The following EED variants were observed in gnomAD, a reference collection of about 807,000 sequenced individuals.
The protein encoded by EED is embryonic ectoderm development, also known as polycomb protein EED.
A neutral mutation model predicts 61.0 loss-of-function variants in EED; 9 were observed. The ratio of observed to expected loss-of-function variants is 0.15; its 90% CI spans 0.09 to 0.26. The LOEUF is 0.26. EED is among the 10% of genes least tolerant of loss of function. The pLI is 1.00. For missense variants in EED, 315 were observed against 542.3 expected (o/e 0.58, Z 4.16); for synonymous variants, 187 against 174.4 (o/e 1.07, Z -0.57).
intron 4 of EED, 75 bp from the exon 5 acceptor site, chr11:86,256,312 T>C: frequency 2.2e-6 from 3 of 1,368,092 alleles, no homozygotes; most frequent in South Asian, 1.9e-5. Context: ...AGCAGTTCTT[T>C]ATAAGTTTCT....
At chr11:86,282,383 C>T (rs1436236442), downstream of EED, among the ~76,000 whole-genome samples, 1 of 152,042 alleles carries the variant, frequency 6.6e-6, no homozygotes, top group Non-Finnish European at 1.5e-5. Context: ...TTTCAGATTC[C>T]CAGTAATTCT....
chr11:86,252,443 C>T (rs1299724600), intron 3 of EED, among the ~76,000 whole-genome samples: 1 of 151,050 alleles, frequency 6.6e-6, no homozygotes, highest in Non-Finnish European at 1.5e-5. Context: ...TATATTACCC[C>T]TAATTATTTA....
chr11:86,267,985 A>T (rs1479484685), intron 8 of EED: 2 of 151,724 alleles, frequency 1.3e-5, no homozygotes, highest in African/African-American at 4.9e-5. Flanking sequence ...TATCTTTAGC[A>T]GACTTTGGAA....
chr11:86,250,165 G>T, intron 1 of EED, 131 bp from the exon 2 acceptor site: 2 of 763,162 alleles, frequency 2.6e-6, no homozygotes, highest in Non-Finnish European at 3.8e-6. Context: ...TTATGTGGAG[G>T]CAAGAATACA....
At chr11:86,268,412 A>G (rs992471122) in intron 8 of EED, 44 bp from the exon 9 acceptor site, 3 of 1,289,936 alleles carry the variant, frequency 2.3e-6, no homozygotes, top group Non-Finnish European at 2.2e-6. Flanking sequence ...TGATTCTACT[A>G]TAATTTTTTC....
At chr11:86,247,230 G>A (rs1429953749) in intron 1 of EED, among the ~76,000 whole-genome samples, 4 of 152,118 alleles carry the variant, frequency 2.6e-5, no homozygotes, top group Non-Finnish European at 5.9e-5. Context: ...TCCTCCATTT[G>A]GATAGCCTTA....
At chr11:86,257,215 G>GTGTA (rs1180540156) in intron 5 of EED, among the ~76,000 whole-genome samples, 20 of 149,120 alleles carry the variant, frequency 1.3e-4, no homozygotes, top group African/African-American at 4.7e-4. Context: ...GTGTGTGTGT[G>GTGTA]TGTATGAAGA....
chr11:86,271,020 A>G (rs1364550143), intron 9 of EED, among the ~76,000 whole-genome samples: 1 of 152,048 alleles, frequency 6.6e-6, no homozygotes, highest in East Asian at 1.9e-4. Flanking sequence ...CTGTGTGTAA[A>G]TTTTAGAATA....
intron 6 of EED, among the ~76,000 whole-genome samples, chr11:86,263,522 C>G (rs982407171): frequency 6.6e-6 from 1 of 152,176 alleles, no homozygotes; most frequent in African/African-American, 2.4e-5. Flanking sequence ...TAATTAATTT[C>G]TTTTCTATTG....
In EED at chr11:86,278,661, ATGT is replaced by A. The variant is rs997060225; in HGVS notation, c.*138_*140del. ...CAATCAGGCTGAGCTGAATGTAGTG[ATGT>A]TTACATTGTTTACATTCTTTGTACT... On this transcript the variant is annotated 3_prime_UTR_variant, in exon 12 of 12. Coordinates refer to ENST00000263360, the MANE Select transcript of EED (RefSeq NM_003797.5). 8.8e-7 allele frequency: 1 copy of A among 1,140,408 alleles called. No individual in the cohort carries two copies. Among genetic ancestry groups the A allele is most frequent in the Non-Finnish European group, 1.2e-6 (1 of 835,404 alleles). The allele number at this position is 1,140,408 out of a possible 1,614,324, so 70.6% of individuals were successfully genotyped here.
intron 7 of EED, chr11:86,265,495 C>G (rs17817719): frequency 6.6e-6 from 1 of 152,050 alleles, no homozygotes; most frequent in African/African-American, 2.4e-5. Context: ...GAGGTTGTTA[C>G]AATAGATGAT....
At chr11:86,271,244 T>G (rs989948234) in intron 9 of EED, among the ~76,000 whole-genome samples, 5 of 152,226 alleles carry the variant, frequency 3.3e-5, no homozygotes, top group Non-Finnish European at 7.3e-5. Context: ...ATAAGTCCCA[T>G]TTTTGCTCTG....
chr11:86,281,563 A>C (rs1033137676), downstream of EED, among the ~76,000 whole-genome samples: 1 of 152,178 alleles, frequency 6.6e-6, no homozygotes, highest in Non-Finnish European at 1.5e-5. Flanking sequence ...TTAATGCTAT[A>C]AACTTCCCTC....
chr11:86,266,294 TA>T, intron 8 of EED, 78 bp downstream of exon 8: 1 of 1,298,740 alleles, frequency 7.7e-7, no homozygotes, highest in Non-Finnish European at 1.0e-6. Context: ...AAAATTGCTA[TA>T]TAAGCCCCAA....
the EED span, among the ~76,000 whole-genome samples, chr11:86,285,437 T>A: frequency 6.6e-6 from 1 of 151,786 alleles, no homozygotes; most frequent in Non-Finnish European, 1.5e-5. Context: ...GAAAAAAAAA[T>A]TAAAAGGAAA....
At chr11:86,269,156 A>T (rs1211252965) in intron 9 of EED, among the ~76,000 whole-genome samples, 2 of 152,216 alleles carry the variant, frequency 1.3e-5, no homozygotes, top group Non-Finnish European at 2.9e-5. Flanking sequence ...ATCTAACACA[A>T]AGCCTGTTTT....
the EED span, chr11:86,284,688 C>T: frequency 3.1e-4 from 47 of 152,320 alleles, no homozygotes; most frequent in African/African-American, 1.1e-3. Context: ...CTTCATGAAG[C>T]CTATGTCCAG....
At chr11:86,251,895 G>A (rs532728753) in intron 2 of EED, among the ~76,000 whole-genome samples, 28 of 152,280 alleles carry the variant, frequency 1.8e-4, no homozygotes, top group African/African-American at 4.8e-4. Context: ...AAGTGTTTTC[G>A]TAGGTAAGCG....
Position 86,252,074 on chromosome 11 carries a change from G to A in EED, c.268-74G>A, listed in dbSNP as rs970294581. 11 of 1,170,994 alleles carry A rather than the reference G, an allele frequency of 9.4e-6. No individual in the cohort carries two copies. In the Admixed American group the frequency reaches 2.1e-4, roughly 23 times the overall value. The allele number at this position is 1,170,994 out of a possible 1,614,324, so 72.5% of individuals were successfully genotyped here. A position where few individuals can be genotyped will look rare whatever the true frequency, so the allele number is the denominator to read the frequency against. On this transcript the variant is annotated intron_variant, in intron 2 of 11. Transcript: ENST00000263360. ...TATTGCATTTTGGAAAAAAGAAGGG[G>A]ATAGGTTAGTTTACTGTCATTTTCT... is the stretch of plus-strand genomic sequence containing the variant.
Sources: gnomAD v4.1 joint callset for allele counts (sites outside exome capture counted in the v4.1 genomes callset) on GRCh38, gnomAD v4.1.1 for gene constraint, MANE v1.5 for transcripts, NCBI Gene and HGNC (gene_info 2026-07-23, HGNC 2026-07-21) for gene names.